The following CSMD1 variants were observed in gnomAD, a reference collection of about 807,000 sequenced individuals.
CSMD1 encodes CUB and Sushi multiple domains 1, also known as CUB and sushi domain-containing protein 1.
A neutral mutation model predicts 417.5 loss-of-function variants in CSMD1; 213 were observed. The observed-to-expected ratio is 0.51, with a 90% CI of 0.46 to 0.57. The LOEUF (loss-of-function observed/expected upper bound fraction) is 0.57. Among genes scored for constraint, CSMD1 ranks in the 20% least tolerant of loss-of-function variants. CSMD1 has a pLI of 0.00. For missense variants in CSMD1, 6,923 were observed against 4,529.7 expected (o/e 1.53, Z -15.17); for synonymous variants, 2,862 against 1,736.8 (o/e 1.65, Z -16.11).
chr8:4,444,969 A>C (rs2129738275), intron 2 of CSMD1, among the ~76,000 whole-genome samples: 1 of 152,326 alleles, frequency 6.6e-6, no homozygotes, highest in East Asian at 1.9e-4. Flanking sequence ...CACTGTGTTA[A>C]AGAAATGTTA....
At chr8:3,965,421 G>C (rs1276447561) in intron 5 of CSMD1, among the ~76,000 whole-genome samples, 1 of 152,122 alleles carries the variant, frequency 6.6e-6, no homozygotes, top group Non-Finnish European at 1.5e-5. Context: ...TTTCGTGATG[G>C]CCTTCGGAAA....
At chr8:4,577,653 T>A (rs549261775) in intron 2 of CSMD1, among the ~76,000 whole-genome samples, 3 of 152,228 alleles carry the variant, frequency 2.0e-5, no homozygotes, top group Non-Finnish European at 4.4e-5. Context: ...TCAGTTTCTC[T>A]ATGAAAGCTT....
chr8:4,733,884 G>C (rs965358519), intron 1 of CSMD1, among the ~76,000 whole-genome samples: 7 of 152,024 alleles, frequency 4.6e-5, no homozygotes, highest in Admixed American at 1.3e-4. Flanking sequence ...AATTGACCTG[G>C]GTAGCTTTTT....
chr8:4,398,229 C>T (rs985603757), intron 3 of CSMD1, among the ~76,000 whole-genome samples: 1 of 152,100 alleles, frequency 6.6e-6, no homozygotes, highest in Admixed American at 6.6e-5. Flanking sequence ...ATGTGGTGGG[C>T]CTCACTCCAA....
chr8:4,599,224 G>A (rs985891687), intron 2 of CSMD1, among the ~76,000 whole-genome samples: 2 of 152,074 alleles, frequency 1.3e-5, no homozygotes, highest in African/African-American at 4.8e-5. Context: ...ATTCAGATAG[G>A]ACAAAATGAG....
intron 1 of CSMD1, among the ~76,000 whole-genome samples, chr8:4,960,711 C>A (rs187841113): frequency 6.6e-6 from 1 of 152,018 alleles, no homozygotes; most frequent in Non-Finnish European, 1.5e-5. Context: ...TAGTTTTAGT[C>A]CGGTAGTTTC....
intron 1 of CSMD1, among the ~76,000 whole-genome samples, chr8:4,782,288 G>C (rs977817275): frequency 6.6e-6 from 1 of 152,158 alleles, no homozygotes; most frequent in Non-Finnish European, 1.5e-5. Context: ...ATAAACCTTT[G>C]AGATGATGAA....
rs897228004 is a variant in CSMD1, at chr8:4,368,021, T to C, written c.415+51932A>G. ...AAGTGAGACACCTTTTCTTGGCTGA[T>C]TGCTCTGGCTAGAACTTCCAGTACT... On this transcript the variant is annotated intron_variant, in intron 3 of 69. Transcript: ENST00000635120. 2.0e-5 allele frequency among the ~76,000 whole-genome samples: 3 copies of C among 152,098 alleles called. No individual in the cohort carries two copies. The East Asian group carries it at 5.8e-4, about 29-fold the overall frequency.
At chr8:4,333,700 G>C (rs1269124181) in intron 3 of CSMD1, among the ~76,000 whole-genome samples, 2 of 152,116 alleles carry the variant, frequency 1.3e-5, no homozygotes, top group South Asian at 2.1e-4. Context: ...TAATGAGAAA[G>C]AGTTGTAGAA....
intron 54 of CSMD1, among the ~76,000 whole-genome samples, chr8:2,995,270 A>T (rs1014365001): frequency 2.0e-5 from 3 of 152,252 alleles, no homozygotes; most frequent in African/African-American, 4.8e-5. Flanking sequence ...TGAAGAGTAC[A>T]GATGGGAATA....
chr8:4,094,252 G>T (rs902691384), intron 3 of CSMD1, among the ~76,000 whole-genome samples: 2 of 152,086 alleles, frequency 1.3e-5, no homozygotes. Flanking sequence ...TTGACTGTTT[G>T]TAAATCAGGG....
chr8:4,443,825 C>T (rs1299181827), intron 2 of CSMD1, among the ~76,000 whole-genome samples: 1 of 152,200 alleles, frequency 6.6e-6, no homozygotes, highest in African/African-American at 2.4e-5. Flanking sequence ...ATGGTGATCA[C>T]AGTGTTAGTA....
Position 3,190,996 on chromosome 8 carries a change from T to C in CSMD1, c.5195-881A>G, listed in dbSNP as rs139961151. Among the ~76,000 whole-genome samples, 589 of 152,284 alleles carry C rather than the reference T, an allele frequency of 3.9e-3. 4 individuals carry two copies. Among genetic ancestry groups the C allele is most frequent in the African/African-American group, 0.014 (569 of 41,570 alleles). Reference sequence around the variant, plus strand: ...AGGAAAATGGGAAGCAACTGTTGAGTGGCTATAAAGTTTCACTTACATAAA... The same window carrying C: ...AGGAAAATGGGAAGCAACTGTTGAGCGGCTATAAAGTTTCACTTACATAAA... On this transcript the variant is annotated intron_variant, in intron 33 of 69. Coordinates refer to ENST00000635120, the MANE Select transcript of CSMD1 (RefSeq NM_033225.6).
chr8:3,726,199 C>A (rs193093382), intron 6 of CSMD1, among the ~76,000 whole-genome samples: 1 of 152,230 alleles, frequency 6.6e-6, no homozygotes, highest in Non-Finnish European at 1.5e-5. Flanking sequence ...ACTCAGCCTC[C>A]GTTGCCTGCA....
intron 3 of CSMD1, among the ~76,000 whole-genome samples, chr8:4,104,385 T>C (rs1320589582): frequency 6.6e-6 from 1 of 152,088 alleles, no homozygotes; most frequent in Non-Finnish European, 1.5e-5. Flanking sequence ...AGGGCAGTAC[T>C]ACACACACAC....
intron 5 of CSMD1, among the ~76,000 whole-genome samples, chr8:3,925,510 G>A (rs1044330324): frequency 6.6e-6 from 1 of 152,144 alleles, no homozygotes; most frequent in African/African-American, 2.4e-5. Flanking sequence ...CGGTTTGGCT[G>A]GGTCCCCACT....
intron 21 of CSMD1, among the ~76,000 whole-genome samples, chr8:3,350,395 A>T (rs1563299450): frequency 6.6e-6 from 1 of 152,088 alleles, no homozygotes. Context: ...CAGATGAGGA[A>T]ACTGAAGCAT....
At chr8:4,984,681 A>T (rs1164989875) in intron 1 of CSMD1, among the ~76,000 whole-genome samples, 1 of 152,192 alleles carries the variant, frequency 6.6e-6, no homozygotes, top group Non-Finnish European at 1.5e-5. Context: ...AGATGGAGAG[A>T]ACAAACCACT....
intron 37 of CSMD1, among the ~76,000 whole-genome samples, chr8:3,163,378 G>A (rs759200811): frequency 1.3e-5 from 2 of 151,904 alleles, no homozygotes; most frequent in Non-Finnish European, 2.9e-5. Context: ...GGAAGCTGGG[G>A]TGGAGGAGGT....
Sources: allele counts gnomAD v4.1 joint callset (sites outside exome capture counted in the v4.1 genomes callset), GRCh38; gene constraint gnomAD v4.1.1; transcripts MANE v1.5; gene names NCBI Gene and HGNC (gene_info 2026-07-23, HGNC 2026-07-21).